Variants in SFMBT1 observed in about 807,000 individuals in gnomAD.
SFMBT1 encodes scm-like with four MBT domains protein 1.
In SFMBT1, 32 loss-of-function variants were observed where a neutral mutation model predicts 108.7. That is an observed-to-expected ratio of 0.29 (90% CI 0.22 to 0.40). The LOEUF (loss-of-function observed/expected upper bound fraction) is 0.40, where lower values mean the gene tolerates loss of function less well. SFMBT1 is among the 10% of genes least tolerant of loss of function. The probability of loss-of-function intolerance (pLI) is 1.00; values close to 1 mark genes in which losing one functional copy is unlikely to be tolerated. For synonymous variants in SFMBT1, 348 were observed against 369.5 expected, an observed-to-expected ratio of 0.94 and a Z score of 0.67; for missense variants, 816 against 1,059.6, an observed-to-expected ratio of 0.77 and a Z score of 3.19.
chr3:52,920,662 T>C lies in SFMBT1; in HGVS notation c.1259-12A>G. 3 of 1,490,288 alleles carry C rather than the reference T, an allele frequency of 2.0e-6. No individual in the cohort carries two copies. The highest frequency in any genetic ancestry group is 1.9e-6 in the Non-Finnish European group (2 of 1,079,148). The allele number at this position is 1,490,288 out of a possible 1,614,324, so 92.3% of individuals were successfully genotyped here. On this transcript the variant is annotated splice_polypyrimidine_tract_variant and intron_variant, in intron 11 of 20. Coordinates refer to ENST00000394752, the MANE Select transcript of SFMBT1 (RefSeq NM_016329.4). ...AGGCTTCTTAGAACCTGTTTAGATT[T>C]AAACAAACAAACAAACAAACAAACA...
intron 13 of SFMBT1, 69 bp downstream of exon 13, chr3:52,918,407 AGGAAATAT>A: frequency 8.7e-7 from 1 of 1,146,818 alleles, no homozygotes; most frequent in Non-Finnish European, 1.2e-6. Flanking sequence ...TGAGAAAATG[AGGAAATAT>A]ACCCTCTGAA....
chr3:52,980,296 T>C (rs1704665222), intron 1 of SFMBT1, among the ~76,000 whole-genome samples: 1 of 152,088 alleles, frequency 6.6e-6, no homozygotes, highest in African/African-American at 2.4e-5. Flanking sequence ...CTATCTCCTG[T>C]TGCTATTGCC....
intron 1 of SFMBT1, among the ~76,000 whole-genome samples, chr3:53,020,771 T>C (rs1241918499): frequency 6.6e-6 from 1 of 152,022 alleles, no homozygotes; most frequent in East Asian, 1.9e-4. Flanking sequence ...TAAGTAAAAG[T>C]AGAGGCCGGG....
intron 3 of SFMBT1, among the ~76,000 whole-genome samples, chr3:52,945,456 A>C (rs1003985806): frequency 6.6e-6 from 1 of 152,044 alleles, no homozygotes; most frequent in African/African-American, 2.4e-5. Flanking sequence ...CCAGTTAATA[A>C]ATATTGAAAA....
At chr3:52,933,894 C>A (rs992202192) in intron 5 of SFMBT1, among the ~76,000 whole-genome samples, 3 of 151,910 alleles carry the variant, frequency 2.0e-5, no homozygotes, top group African/African-American at 7.3e-5. Flanking sequence ...TGGATTATAT[C>A]AAAATAAAAA....
At chr3:53,029,121 C>A (rs991935835) in intron 1 of SFMBT1, among the ~76,000 whole-genome samples, 2 of 141,770 alleles carry the variant, frequency 1.4e-5, no homozygotes, top group Admixed American at 7.6e-5. Context: ...TGCAGTGAGC[C>A]GAGATGCACC....
chr3:52,939,885 T>C (rs1458456551), intron 4 of SFMBT1, among the ~76,000 whole-genome samples: 1 of 152,088 alleles, frequency 6.6e-6, no homozygotes, highest in Non-Finnish European at 1.5e-5. Flanking sequence ...TTACTTTTTC[T>C]CTTTTCAAAT....
At chr3:52,926,443 T>G (rs1702661774) in intron 9 of SFMBT1, among the ~76,000 whole-genome samples, 1 of 152,224 alleles carries the variant, frequency 6.6e-6, no homozygotes, top group Admixed American at 6.5e-5. Context: ...ATGACTGGAT[T>G]TGATTTGTAT....
At chr3:52,923,418 T>C (rs986512427) in intron 10 of SFMBT1, among the ~76,000 whole-genome samples, 2 of 151,886 alleles carry the variant, frequency 1.3e-5, no homozygotes, top group African/African-American at 4.8e-5. Context: ...ATACAAAAAA[T>C]TAGCTGGGTG....
At chr3:52,973,987 G>GA (rs1234845291) in intron 1 of SFMBT1, among the ~76,000 whole-genome samples, 5 of 152,132 alleles carry the variant, frequency 3.3e-5, no homozygotes, top group African/African-American at 1.2e-4. Flanking sequence ...CATTGATTAA[G>GA]ATGAGTGATT....
At chr3:53,016,543 T>C (rs1004812913) in intron 1 of SFMBT1, among the ~76,000 whole-genome samples, 2 of 152,232 alleles carry the variant, frequency 1.3e-5, no homozygotes, top group Non-Finnish European at 2.9e-5. Flanking sequence ...CCCCGTGTTT[T>C]AATTTGCATC....
At chr3:52,999,037 T>C (rs1172682472) in intron 1 of SFMBT1, among the ~76,000 whole-genome samples, 2 of 150,714 alleles carry the variant, frequency 1.3e-5, no homozygotes, top group Non-Finnish European at 3.0e-5. Flanking sequence ...TCTTACCCCT[T>C]GTCATCCATG....
At position 52,934,796 on chromosome 3, in the gene SFMBT1, C is replaced by A; in HGVS notation, c.453+17G>T. 6.2e-7 allele frequency: 1 copy of A among 1,600,848 alleles called. No individual in the cohort carries two copies. Among genetic ancestry groups the A allele is most frequent in the African/African-American group, 1.3e-5 (1 of 74,632 alleles). On this transcript the variant is annotated intron_variant, in intron 5 of 20. Coordinates refer to ENST00000394752, the MANE Select transcript of SFMBT1 (RefSeq NM_016329.4). ...AGATGGGTTTTCCATGCTGATGTGG[C>A]ATGTAGTAATACTCACGCCCTCTAG...
intron 1 of SFMBT1, among the ~76,000 whole-genome samples, chr3:52,994,976 T>A: frequency 7.1e-6 from 1 of 141,230 alleles, no homozygotes. Context: ...TAAAAACAAT[T>A]TGAAAAAAAT....
chr3:52,918,025 G>A (rs975690239), intron 13 of SFMBT1, among the ~76,000 whole-genome samples: 4 of 152,188 alleles, frequency 2.6e-5, no homozygotes, highest in African/African-American at 9.7e-5. Context: ...CTAATTAACT[G>A]TTTCTCAAAA....
At chr3:52,961,638 T>C (rs369147522) in intron 2 of SFMBT1, among the ~76,000 whole-genome samples, 13 of 152,360 alleles carry the variant, frequency 8.5e-5, no homozygotes, top group African/African-American at 2.4e-4. Context: ...ATATTGAACA[T>C]TAACATTTAT....
rs375175444 is a variant in SFMBT1, at chr3:52,928,280, C to T, written c.959G>A (p.Arg320Gln). 18 of 1,613,926 alleles carry T rather than the reference C, an allele frequency of 1.1e-5. No homozygotes were observed. The African/African-American group carries it at 1.5e-4, about 13-fold the overall frequency. ...MDDLRPENHA[R>Q]RSFVCHADSP... ...GTCGGCGTGGCACACAAAGGATCGC[C>T]GTGCGTGGTTCTCAGGACGCAAGTC... The change falls in exon 9 of 21, where the codon CGG becomes CAG. Residue 320 changes from arginine to glutamine, a missense_variant. Physicochemically the swap from Arg to Gln is conservative, Grantham distance 43. Around this residue, in one of 5 missense-constraint regions of SFMBT1, gnomAD observed 495 missense variants for 607.4 expected, o/e 0.81. Transcript: ENST00000394752.
intron 1 of SFMBT1, among the ~76,000 whole-genome samples, chr3:52,999,914 A>C (rs1024798865): frequency 6.7e-6 from 1 of 150,146 alleles, no homozygotes; most frequent in Non-Finnish European, 1.5e-5. Context: ...GCTGGAATGC[A>C]GTGGCACAAT....
rs752017788 is a variant in SFMBT1, at chr3:52,918,513, CCT to C, written c.1384_1385del (p.Arg462GlufsTer35). 1 of 1,560,890 alleles carries C rather than the reference CCT, an allele frequency of 6.4e-7. No individual in the cohort carries two copies. Among genetic ancestry groups the C allele is most frequent in the Non-Finnish European group, 8.6e-7 (1 of 1,159,852 alleles). On this transcript the variant is annotated frameshift_variant, in exon 13 of 21. Coordinates refer to ENST00000394752, the MANE Select transcript of SFMBT1 (RefSeq NM_016329.4). LOFTEE classifies it high-confidence loss of function. ...TTTCTGGCTGAACCACTGCAATTTT[CCT>C]CTGTTTATATACTGTAGAAAGAAAA... is the stretch of plus-strand genomic sequence containing the variant. ...TPRRARVYKQ[R>X]KIAVVQPEKQ...
Sources: gnomAD v4.1 joint callset for allele counts (sites outside exome capture counted in the v4.1 genomes callset) on GRCh38, gnomAD v4.1.1 for gene constraint, gnomAD v4.1.1 regional missense constraint, MANE v1.5 for transcripts, NCBI Gene and HGNC (gene_info 2026-07-23, HGNC 2026-07-21) for gene names.